Variants in NR3C2 observed in about 807,000 individuals in gnomAD.
NR3C2 encodes mineralocorticoid receptor.
In NR3C2, 15 loss-of-function variants were observed where a neutral mutation model predicts 86.4. That is an observed-to-expected ratio of 0.17 (90% CI 0.12 to 0.27). NR3C2 has a LOEUF of 0.27. NR3C2 is among the 10% of genes least tolerant of loss of function. The pLI is 1.00. For missense variants in NR3C2, 960 were observed against 1,195.6 expected, an observed-to-expected ratio of 0.80 and a Z score of 2.91; for synonymous variants, 458 against 450.5, an observed-to-expected ratio of 1.02 and a Z score of -0.21.
chr4:148,325,835 T>A (rs564094621), intron 2 of NR3C2, among the ~76,000 whole-genome samples: 1 of 152,338 alleles, frequency 6.6e-6, no homozygotes, highest in East Asian at 1.9e-4. Context: ...TTACAGTAGA[T>A]GTTATCCAAT....
intron 2 of NR3C2, among the ~76,000 whole-genome samples, chr4:148,357,144 T>C (rs1302334617): frequency 3.3e-5 from 5 of 152,122 alleles, no homozygotes; most frequent in African/African-American, 1.2e-4. Flanking sequence ...GGGGTGTGTG[T>C]TCCAAGGCTG....
intron 6 of NR3C2, among the ~76,000 whole-genome samples, chr4:148,136,069 A>T (rs79681392): frequency 1.1e-5 from 1 of 87,138 alleles, no homozygotes; most frequent in Admixed American, 1.3e-4. Flanking sequence ...AAAAAAAAAA[A>T]AAAAAAACAA....
chr4:148,265,387 TAAG>T (rs1165015687), intron 2 of NR3C2, among the ~76,000 whole-genome samples: 1 of 152,026 alleles, frequency 6.6e-6, no homozygotes, highest in Non-Finnish European at 1.5e-5. Flanking sequence ...AGAAGCTACG[TAAG>T]AAAAAAAATG....
intron 8 of NR3C2, among the ~76,000 whole-genome samples, chr4:148,090,645 CACCCA>C (rs1263250125): frequency 1.3e-5 from 2 of 152,196 alleles, no homozygotes; most frequent in Non-Finnish European, 2.9e-5. Flanking sequence ...CATTGAGCAT[CACCCA>C]GGAGATGCTG....
At chr4:148,333,411 C>G (rs1275457971) in intron 2 of NR3C2, among the ~76,000 whole-genome samples, 1 of 152,182 alleles carries the variant, frequency 6.6e-6, no homozygotes, top group Non-Finnish European at 1.5e-5. Flanking sequence ...AAGCTGGGCA[C>G]ATTGCTGACT....
intron 7 of NR3C2, 124 bp downstream of exon 7, chr4:148,120,034 A>G: frequency 7.8e-7 from 1 of 1,273,984 alleles, no homozygotes; most frequent in Non-Finnish European, 1.1e-6. Flanking sequence ...CCATTTCTTC[A>G]GTGTTTCTGT....
chr4:148,252,141 G>C (rs761492504), intron 3 of NR3C2, among the ~76,000 whole-genome samples: 5 of 152,082 alleles, frequency 3.3e-5, no homozygotes, highest in Admixed American at 6.6e-5. Context: ...CCACACATTT[G>C]ATAGAATTAT....
rs371903048 is a variant in NR3C2, at chr4:148,160,901, T to G, written c.2015-6000A>C. Among the ~76,000 whole-genome samples, 15 of 152,320 alleles carry G rather than the reference T, an allele frequency of 9.8e-5. No homozygotes were observed. The South Asian group carries it at 1.9e-3, about 19-fold the overall frequency. On this transcript the variant is annotated intron_variant, in intron 4 of 8. Coordinates refer to ENST00000358102, the MANE Select transcript of NR3C2 (RefSeq NM_000901.5). ...TTCTTTCCTCATCTCTTTATCTGCA[T>G]GACTTCTCTTTGCCTTTTGACTGCC...
rs756091721 is a variant in NR3C2 at position 148,435,537 on chromosome 4, T to C, written c.1324A>G (p.Lys442Glu). 3 of 1,614,108 alleles carry C rather than the reference T, an allele frequency of 1.9e-6. No individual in the cohort carries two copies. The East Asian group carries it at 6.7e-5, about 36-fold the overall frequency. ...AACGGGTTTACTGTTGGATTCCCTT[T>C]AAAAGAGGTGCCTGAACATGAATGC... ...TKHSCSGTSF[K>E]GNPTVNPFPF... Residue 442 changes from lysine (K) to glutamate (E), a missense_variant, in exon 2 of 9, where the codon AAA becomes GAA. By Grantham distance (56) the Lys-to-Glu change is moderately conservative. Around this residue, in one of 4 missense-constraint regions of NR3C2, gnomAD observed 680 missense variants for 719.0 expected, o/e 0.95. Coordinates refer to ENST00000358102, the MANE Select transcript of NR3C2 (RefSeq NM_000901.5).
In NR3C2 at chr4:148,161,212, A is replaced by G. The variant is rs576707535; in HGVS notation, c.2015-6311T>C. 4.9e-4 allele frequency among the ~76,000 whole-genome samples: 74 copies of G among 152,344 alleles called. 1 individual carries two copies. Among genetic ancestry groups the G allele is most frequent in the African/African-American group, 1.7e-3 (70 of 41,576 alleles). On this transcript the variant is annotated intron_variant, in intron 4 of 8. Transcript: ENST00000358102. The stretch of plus-strand genomic sequence containing the variant: ...TGTTTTTTAAAAAGTGTCTTCAAAT[A>G]TTCTCAGATTAATCTACATAATTTA...
intron 3 of NR3C2, among the ~76,000 whole-genome samples, chr4:148,241,074 C>T (rs1445258390): frequency 2.0e-5 from 3 of 151,784 alleles, no homozygotes; most frequent in Non-Finnish European, 4.4e-5. Flanking sequence ...GGGAGGCAGA[C>T]GTGGGAGGAT....
chr4:148,154,531 G>C lies in NR3C2; in HGVS notation c.2365+20C>G, dbSNP rs752494634. The C allele has an allele frequency of 6.2e-7, 1 of 1,610,730 alleles. No homozygotes were observed. The highest frequency in any genetic ancestry group is 1.7e-5 in the Admixed American group (1 of 60,022). On this transcript the variant is annotated intron_variant, in intron 5 of 8. Transcript: ENST00000358102. ...TTGTTAAGTTCAGGATGCAGCCTGT[G>C]AAAGGAGAGGCAATCCTACCTGGAA...
rs1579280584 is a variant in NR3C2, at chr4:148,422,525, T to C, written c.1757+12579A>G. Among the ~76,000 whole-genome samples, 4 of 152,134 alleles carry C rather than the reference T, an allele frequency of 2.6e-5. No homozygotes were observed. The South Asian group carries it at 8.3e-4, about 31-fold the overall frequency. On this transcript the variant is annotated intron_variant, in intron 2 of 8. Coordinates refer to ENST00000358102, the MANE Select transcript of NR3C2 (RefSeq NM_000901.5). Reference sequence around the variant, plus strand: ...GAATTTCAAACGTATCGAAAAAATATTTTTTAAGTAAATACAAACTTCACC... The same window carrying C: ...GAATTTCAAACGTATCGAAAAAATACTTTTTAAGTAAATACAAACTTCACC...
At chr4:148,287,150 C>CT (rs998008281) in intron 2 of NR3C2, among the ~76,000 whole-genome samples, 1 of 152,206 alleles carries the variant, frequency 6.6e-6, no homozygotes, top group Non-Finnish European at 1.5e-5. Flanking sequence ...ATGGAAACCA[C>CT]TTTTTTTCTC....
intron 2 of NR3C2, among the ~76,000 whole-genome samples, chr4:148,419,005 TAC>T (rs1424306110): frequency 2.0e-5 from 3 of 152,186 alleles, no homozygotes; most frequent in Non-Finnish European, 4.4e-5. Flanking sequence ...TGCCAACATC[TAC>T]ACACTCTTTA....
chr4:148,387,040 A>C (rs560081015), intron 2 of NR3C2, among the ~76,000 whole-genome samples: 36 of 152,304 alleles, frequency 2.4e-4, no homozygotes, highest in Non-Finnish European at 4.9e-4. Context: ...TAAATATCTC[A>C]ACCTCACTGC....
intron 4 of NR3C2, among the ~76,000 whole-genome samples, chr4:148,179,321 A>T (rs1735541645): frequency 2.0e-5 from 3 of 151,674 alleles, no homozygotes; most frequent in African/African-American, 7.2e-5. Context: ...CCTATGCCCA[A>T]AAAGTCTGAA....
intron 3 of NR3C2, among the ~76,000 whole-genome samples, chr4:148,254,646 GTATT>G (rs1192702186): frequency 1.3e-5 from 2 of 152,192 alleles, no homozygotes; most frequent in Non-Finnish European, 2.9e-5. Flanking sequence ...TACTGGGTAG[GTATT>G]TATTTAGGCT....
chr4:148,168,904 C>T (rs1438428531), intron 4 of NR3C2, among the ~76,000 whole-genome samples: 12 of 151,994 alleles, frequency 7.9e-5, no homozygotes, highest in African/African-American at 2.7e-4. Context: ...TTAGTAATCA[C>T]GTACCAAAAA....
Sources: gnomAD v4.1 joint callset for allele counts (sites outside exome capture counted in the v4.1 genomes callset) on GRCh38, gnomAD v4.1.1 for gene constraint, gnomAD v4.1.1 regional missense constraint, MANE v1.5 for transcripts, NCBI Gene and HGNC (gene_info 2026-07-23, HGNC 2026-07-21) for gene names.